CABCOCO1: variants seen among roughly 807,000 people sequenced by gnomAD.
CABCOCO1 encodes ciliary associated calcium binding coiled-coil 1.
A neutral mutation model predicts 35.7 loss-of-function variants in CABCOCO1; 28 were observed. The observed-to-expected ratio is 0.78, with a 90% CI of 0.58 to 1.07. The LOEUF (loss-of-function observed/expected upper bound fraction) is 1.07, where lower values mean the gene tolerates loss of function less well. Ranked by LOEUF, CABCOCO1 falls within the 50% of genes least tolerant of loss-of-function variation. The pLI is 0.00. For synonymous variants in CABCOCO1, 95 were observed against 100.1 expected (o/e 0.95, Z 0.30); for missense variants, 326 against 309.2 (o/e 1.05, Z -0.41).
chr10:61,700,416 T>C (rs779913737), intron 5 of CABCOCO1, among the ~76,000 whole-genome samples: 20 of 151,978 alleles, frequency 1.3e-4, no homozygotes, highest in Non-Finnish European at 2.9e-4. Flanking sequence ...AAATAGCCAA[T>C]AAACTTATGC....
intron 1 of CABCOCO1, among the ~76,000 whole-genome samples, chr10:61,670,296 TG>T (rs1467942387): frequency 6.6e-6 from 1 of 151,924 alleles, no homozygotes; most frequent in Non-Finnish European, 1.5e-5. Context: ...AAACAAAAAC[TG>T]GGTGCATTTA....
chr10:61,674,261 G>A (rs1424233441), intron 2 of CABCOCO1, among the ~76,000 whole-genome samples: 1 of 151,938 alleles, frequency 6.6e-6, no homozygotes, highest in Non-Finnish European at 1.5e-5. Context: ...TTAATCTTTA[G>A]GTGGTAAGGC....
chr10:61,763,953 A>C (rs542666554), intron 7 of CABCOCO1, among the ~76,000 whole-genome samples: 1 of 152,194 alleles, frequency 6.6e-6, no homozygotes, highest in African/African-American at 2.4e-5. Context: ...ACTGAACTAA[A>C]GTACTAAGCC....
intron 5 of CABCOCO1, among the ~76,000 whole-genome samples, chr10:61,691,719 C>A (rs1019989438): frequency 9.9e-5 from 15 of 152,066 alleles, no homozygotes; most frequent in African/African-American, 3.6e-4. Flanking sequence ...GTTCAACTCC[C>A]ACTTATGAGT....
At chr10:61,719,922 A>C (rs934368940) in intron 5 of CABCOCO1, among the ~76,000 whole-genome samples, 9 of 9,802 alleles carry the variant, frequency 9.2e-4, no homozygotes, top group African/African-American at 1.7e-3. Context: ...CTCCATCTCA[A>C]AAAAAAAAAA....
At chr10:61,758,649 G>A (rs116498091) in intron 5 of CABCOCO1, among the ~76,000 whole-genome samples, 1,923 of 152,060 alleles carry the variant, frequency 0.013, 31 homozygotes, top group African/African-American at 0.044. Context: ...AACCACAAAG[G>A]ACAAGAAGTC....
At chr10:61,701,879 A>G in intron 5 of CABCOCO1, 1 of 884,548 alleles carries the variant, frequency 1.1e-6, no homozygotes, top group Non-Finnish European at 1.4e-6. Flanking sequence ...AGCAAGATAA[A>G]GAAGAGATTT....
At chr10:61,723,295 C>T (rs2132044113) in intron 5 of CABCOCO1, among the ~76,000 whole-genome samples, 1 of 152,308 alleles carries the variant, frequency 6.6e-6, no homozygotes, top group South Asian at 2.1e-4. Context: ...TCACACATTA[C>T]TGATAGGGGC....
intron 5 of CABCOCO1, among the ~76,000 whole-genome samples, chr10:61,756,590 C>A (rs554406577): frequency 6.6e-6 from 1 of 152,172 alleles, no homozygotes; most frequent in East Asian, 1.9e-4. Flanking sequence ...ACATTTATTG[C>A]TTTACATTCA....
At chr10:61,764,675 G>A (rs1049488276) in intron 7 of CABCOCO1, among the ~76,000 whole-genome samples, 2 of 151,930 alleles carry the variant, frequency 1.3e-5, no homozygotes, top group African/African-American at 4.8e-5. Flanking sequence ...GTGACCTGGA[G>A]GACCGCTCCA....
At chr10:61,700,419 A>G (rs1464129030) in intron 5 of CABCOCO1, among the ~76,000 whole-genome samples, 2 of 152,088 alleles carry the variant, frequency 1.3e-5, no homozygotes, top group Non-Finnish European at 2.9e-5. Context: ...TAGCCAATAA[A>G]CTTATGCAAA....
intron 5 of CABCOCO1, among the ~76,000 whole-genome samples, chr10:61,747,768 T>C (rs1451193482): frequency 6.6e-6 from 1 of 152,152 alleles, no homozygotes; most frequent in African/African-American, 2.4e-5. Context: ...TATCTAAATA[T>C]TAGTTGCCTA....
At chr10:61,708,260 GGT>G (rs202137985) in intron 5 of CABCOCO1, among the ~76,000 whole-genome samples, 1,767 of 151,254 alleles carry the variant, frequency 0.012, 27 homozygotes, top group African/African-American at 0.04. Context: ...CAATGGAAGT[GGT>G]TACTTTAAGG....
chr10:61,717,097 A>C (rs1840886976), intron 5 of CABCOCO1, among the ~76,000 whole-genome samples: 1 of 152,168 alleles, frequency 6.6e-6, no homozygotes, highest in Non-Finnish European at 1.5e-5. Context: ...ACATCCTGCA[A>C]GGTTTTGAAG....
At chr10:61,722,017 G>A (rs1353519156) in intron 5 of CABCOCO1, among the ~76,000 whole-genome samples, 2 of 152,066 alleles carry the variant, frequency 1.3e-5, no homozygotes, top group Admixed American at 6.6e-5. Context: ...TGCCCATCAT[G>A]ACAGCCCTGA....
chr10:61,677,861 G>T (rs1389844467), intron 2 of CABCOCO1, among the ~76,000 whole-genome samples: 5 of 104,042 alleles, frequency 4.8e-5, no homozygotes, highest in African/African-American at 1.8e-4. Context: ...TCTTTTCAAT[G>T]TAGTTAGATT....
At chr10:61,746,223 A>G (rs947605874) in intron 5 of CABCOCO1, among the ~76,000 whole-genome samples, 2 of 152,196 alleles carry the variant, frequency 1.3e-5, no homozygotes, top group Non-Finnish European at 2.9e-5. Flanking sequence ...TTTAAAATGC[A>G]CTGAGAATCA....
At chr10:61,756,542 C>A (rs1019272175) in intron 5 of CABCOCO1, among the ~76,000 whole-genome samples, 3 of 151,912 alleles carry the variant, frequency 2.0e-5, no homozygotes, top group Non-Finnish European at 4.4e-5. Context: ...TTTATTATAT[C>A]CATTTGTGTT....
intron 5 of CABCOCO1, among the ~76,000 whole-genome samples, chr10:61,741,415 G>A (rs1841547016): frequency 6.6e-6 from 1 of 152,172 alleles, no homozygotes; most frequent in South Asian, 2.1e-4. Flanking sequence ...ACAACTTGGT[G>A]AATGAGTGCC....
Sources: gnomAD v4.1 joint callset for allele counts (sites outside exome capture counted in the v4.1 genomes callset) on GRCh38, gnomAD v4.1.1 for gene constraint, MANE v1.5 for transcripts, NCBI Gene and HGNC (gene_info 2026-07-23, HGNC 2026-07-21) for gene names.